The following AKAP19 variants were observed in gnomAD, a reference collection of about 807,000 sequenced individuals.
The protein encoded by AKAP19 is A-kinase anchoring protein 19.
At chr2:190,010,805 A>T in the AKAP19 span, among the ~76,000 whole-genome samples, 7,545 of 152,196 alleles carry the variant, frequency 0.05, 282 homozygotes, top group Non-Finnish European at 0.068. Flanking sequence ...GCTATGATAG[A>T]TGTATATAAT....
the AKAP19 span, among the ~76,000 whole-genome samples, chr2:190,082,219 A>G: frequency 2.6e-5 from 4 of 152,188 alleles, no homozygotes; most frequent in Admixed American, 2.6e-4. Flanking sequence ...GGGCATGCAT[A>G]TGTTTCTCCT....
the AKAP19 span, among the ~76,000 whole-genome samples, chr2:190,152,291 C>T: frequency 6.6e-6 from 1 of 152,202 alleles, no homozygotes; most frequent in Non-Finnish European, 1.5e-5. Flanking sequence ...TCCATTTGGG[C>T]CTATTTCTGT....
At chr2:190,037,060 GATA>G in the AKAP19 span, among the ~76,000 whole-genome samples, 3 of 152,194 alleles carry the variant, frequency 2.0e-5, no homozygotes, top group African/African-American at 7.2e-5. Flanking sequence ...ATAGCTACGT[GATA>G]ATGATGCCAT....
the AKAP19 span, among the ~76,000 whole-genome samples, chr2:190,118,454 T>C: frequency 1.3e-5 from 2 of 152,336 alleles, no homozygotes; most frequent in South Asian, 2.1e-4. Context: ...TGAACATCGA[T>C]GCGAAAATCC....
chr2:190,163,068 G>T, the AKAP19 span, among the ~76,000 whole-genome samples: 3 of 152,246 alleles, frequency 2.0e-5, no homozygotes, highest in African/African-American at 7.2e-5. Context: ...TTATGCAACC[G>T]ATGTGTTTCT....
At chr2:189,923,733 C>G in the AKAP19 span, 1 of 1,613,692 alleles carries the variant, frequency 6.2e-7, no homozygotes, top group Non-Finnish European at 8.5e-7. Context: ...GTACCTCCTC[C>G]TCCTCCTATT....
the AKAP19 span, among the ~76,000 whole-genome samples, chr2:190,186,145 T>G: frequency 6.6e-6 from 1 of 152,030 alleles, no homozygotes; most frequent in African/African-American, 2.4e-5. This position sits in a 1 kb window ranked among gnomAD's most constrained non-coding sequence, Gnocchi z 5.5. Context: ...AGAGATGGGG[T>G]TTCACCATGT....
chr2:190,004,946 T>C, the AKAP19 span, among the ~76,000 whole-genome samples: 2 of 152,234 alleles, frequency 1.3e-5, no homozygotes, highest in Non-Finnish European at 2.9e-5. Flanking sequence ...CCATGGGTTC[T>C]TGGTCTCACT....
chr2:190,192,490 GTATC>G, the AKAP19 span, among the ~76,000 whole-genome samples: 1 of 144,302 alleles, frequency 6.9e-6, no homozygotes, highest in Non-Finnish European at 1.5e-5. Flanking sequence ...GTGTGTGTGT[GTATC>G]TATATATCTA....
the AKAP19 span, chr2:190,199,856 A>G: frequency 1.9e-6 from 3 of 1,612,258 alleles, no homozygotes; most frequent in African/African-American, 2.7e-5. Flanking sequence ...ACAGCTCTTC[A>G]TAACATGGGC....
chr2:189,974,958 T>C, the AKAP19 span, among the ~76,000 whole-genome samples: 1 of 152,236 alleles, frequency 6.6e-6, no homozygotes. Flanking sequence ...TGTCTTTTAA[T>C]TGGAGCATTT....
At chr2:190,051,987 G>A in the AKAP19 span, among the ~76,000 whole-genome samples, 4 of 151,858 alleles carry the variant, frequency 2.6e-5, no homozygotes, top group Admixed American at 6.6e-5. Flanking sequence ...ACAGGCGCCC[G>A]CCACCACGCC....
chr2:189,975,689 C>CT, the AKAP19 span, among the ~76,000 whole-genome samples: 13 of 151,910 alleles, frequency 8.6e-5, no homozygotes, highest in African/African-American at 3.1e-4. Context: ...TCTTTTTACT[C>CT]TTTTTTTTCT....
chr2:189,896,404 T>C, the AKAP19 span, among the ~76,000 whole-genome samples: 1 of 152,186 alleles, frequency 6.6e-6, no homozygotes, highest in African/African-American at 2.4e-5. Flanking sequence ...TTTTGTTATC[T>C]TTCTTTGTGT....
At chr2:190,142,864 G>C in the AKAP19 span, among the ~76,000 whole-genome samples, 1 of 152,178 alleles carries the variant, frequency 6.6e-6, no homozygotes. Context: ...ATAAAAGGCA[G>C]TGTGGGTGTC....
At chr2:190,093,019 G>T in the AKAP19 span, among the ~76,000 whole-genome samples, 1 of 152,114 alleles carries the variant, frequency 6.6e-6, no homozygotes, top group Admixed American at 6.5e-5. Context: ...TATTCATGAA[G>T]ATGATGCTTT....
the AKAP19 span, among the ~76,000 whole-genome samples, chr2:189,926,658 G>A: frequency 2.2e-4 from 30 of 134,662 alleles, no homozygotes; most frequent in African/African-American, 8.1e-4. Flanking sequence ...TCGGCTCACT[G>A]CAAGCTCTGC....
the AKAP19 span, among the ~76,000 whole-genome samples, chr2:189,963,122 A>G: frequency 6.6e-6 from 1 of 152,076 alleles, no homozygotes; most frequent in Non-Finnish European, 1.5e-5. Context: ...TTGCTCATCC[A>G]TAAGAAGCAA....
the AKAP19 span, among the ~76,000 whole-genome samples, chr2:189,892,737 G>A: frequency 2.0e-5 from 3 of 152,204 alleles, no homozygotes; most frequent in Non-Finnish European, 1.5e-5. Flanking sequence ...GAGGCAGTCT[G>A]CCCATTAGCA....
Sources: allele counts gnomAD v4.1 joint callset (sites outside exome capture counted in the v4.1 genomes callset), GRCh38; gene constraint gnomAD v4.1.1; non-coding constraint Gnocchi (gnomAD v3.1); transcripts MANE v1.5; gene names NCBI Gene and HGNC (gene_info 2026-07-23, HGNC 2026-07-21).